The following GMPPA variants were observed in gnomAD, a reference collection of about 807,000 sequenced individuals.
GMPPA encodes mannose-1-phosphate guanylyltransferase regulatory subunit alpha.
GMPPA carries 46 observed loss-of-function variants against 58.6 expected under a neutral mutation model. The ratio of observed to expected loss-of-function variants is 0.78; its 90% CI spans 0.62 to 1.00. GMPPA has a LOEUF of 1.00. Ranked by LOEUF, GMPPA falls within the 50% of genes least tolerant of loss-of-function variation. The pLI, the probability that GMPPA is intolerant of heterozygous loss-of-function variation, is 0.00. For missense variants in GMPPA, 468 were observed against 556.4 expected, an observed-to-expected ratio of 0.84 and a Z score of 1.60; for synonymous variants, 211 against 214.9, an observed-to-expected ratio of 0.98 and a Z score of 0.16.
intron 10 of GMPPA, 28 bp from the exon 11 acceptor site, chr2:219,505,952 G>A: frequency 1.4e-6 from 2 of 1,477,486 alleles, no homozygotes; most frequent in Non-Finnish European, 1.8e-6. Context: ...GTCCCTCCAG[G>A]GCTTATGGTG....
Position 219,502,291 on chromosome 2 carries a change from C to T in GMPPA, c.430-91C>T. The T allele has an allele frequency of 8.8e-7, 1 of 1,140,416 alleles. No individual in the cohort carries two copies. 70.6% of individuals were successfully genotyped at this position (1,140,416 alleles called of 1,614,324 possible). On this transcript the variant is annotated intron_variant, in intron 5 of 12. Transcript: ENST00000313597. This position sits in a 1 kb window ranked among gnomAD's most constrained non-coding sequence, Gnocchi z 4.0. Reference sequence around the variant, plus strand: ...GGCCTGTCAGTGGCAGAGCTGCATGCCAGGTGCTGTAGCGGAGGGAAAGAA... The same window carrying T: ...GGCCTGTCAGTGGCAGAGCTGCATGTCAGGTGCTGTAGCGGAGGGAAAGAA...
Position 219,506,762 on chromosome 2 carries a change from G to A in GMPPA, c.1227G>A (p.Glu409=). The A allele has an allele frequency of 6.2e-7, 1 of 1,602,358 alleles. No individual in the cohort carries two copies. Among genetic ancestry groups the A allele is most frequent in the Non-Finnish European group, 8.6e-7 (1 of 1,169,360 alleles). ...ILNSIVLPHK[E]LSRSFTNQII... Reference sequence around the variant, plus strand: ...ACTCGATTGTTCTGCCACACAAGGAGCTGAGCCGAAGCTTCACCAACCAGA... The same window carrying A: ...ACTCGATTGTTCTGCCACACAAGGAACTGAGCCGAAGCTTCACCAACCAGA... Residue 409 remains glutamate, a synonymous_variant, in exon 13 of 13, where the codon GAG becomes GAA. Transcript: ENST00000313597.
chr2:219,504,809 A>G (rs1395761347), intron 7 of GMPPA: 1 of 1,020,750 alleles, frequency 9.8e-7, no homozygotes, highest in East Asian at 8.5e-5. Context: ...CATCTCTACC[A>G]TCTCTCTCTC....
rs771070267 is a variant in GMPPA at position 219,502,431 on chromosome 2, A to G, written c.479A>G (p.Gln160Arg). 4.3e-6 allele frequency: 7 copies of G among 1,613,666 alleles called. No homozygotes were observed. In the East Asian group the frequency reaches 1.6e-4, roughly 36 times the overall value. Residue 160 changes from glutamine to arginine, a missense_variant, in exon 6 of 13, where the codon CAG becomes CGG. Physicochemically the swap from Gln to Arg is conservative, Grantham distance 43. Coordinates refer to ENST00000313597, the MANE Select transcript of GMPPA (RefSeq NM_013335.4). This position sits in a 1 kb window ranked among gnomAD's most constrained non-coding sequence, Gnocchi z 4.0. Reference sequence around the variant, plus strand: ...TACGGCTGCATCGTTGAGAATCCACAGACACACGAGGTGAGAGCAGAGTGG... The same window carrying G: ...TACGGCTGCATCGTTGAGAATCCACGGACACACGAGGTGAGAGCAGAGTGG... ...LNYGCIVENP[Q>R]THEVLHYVEK...
intron 11 of GMPPA, 89 bp from the exon 12 acceptor site, chr2:219,506,165 G>C: frequency 6.8e-7 from 1 of 1,476,600 alleles, no homozygotes; most frequent in African/African-American, 1.4e-5. Context: ...GGTGAACGCC[G>C]TGGGCTCTGC....
rs745743360 is a variant in GMPPA, at chr2:219,505,733, C to T, written c.872C>T (p.Pro291Leu). Residue 291 changes from proline to leucine, a missense_variant, in exon 10 of 13, where the codon CCG becomes CTG. By Grantham distance (98) the Pro-to-Leu change is moderately conservative (BLOSUM62 -3). Transcript: ENST00000313597. ...PWIRGNVYIH[P>L]TAKVAPSAVL... The stretch of plus-strand genomic sequence containing the variant: ...CTTCTAGGGAATGTGTACATCCACC[C>T]GACCGCCAAGGTGGCCCCCTCGGCT... 7.5e-6 allele frequency: 12 copies of T among 1,610,660 alleles called. No individual in the cohort carries two copies. Among genetic ancestry groups the T allele is most frequent in the African/African-American group, 5.3e-5 (4 of 74,920 alleles).
At chr2:219,505,426 C>A in intron 8 of GMPPA, 32 bp from the exon 9 acceptor site, 1 of 1,599,990 alleles carries the variant, frequency 6.3e-7, no homozygotes, top group Non-Finnish European at 8.5e-7. Context: ...CCCTGCTGAC[C>A]CCTGAGCCCC....
At chr2:219,506,562 T>C in intron 12 of GMPPA, 136 bp from the exon 13 acceptor site, 1 of 1,021,374 alleles carries the variant, frequency 9.8e-7, no homozygotes, top group South Asian at 1.5e-5. Context: ...TGCCAGGCCC[T>C]GTGTGAGTCA....
chr2:219,503,704 G>A (rs1694477713), intron 6 of GMPPA, among the ~76,000 whole-genome samples: 2 of 152,202 alleles, frequency 1.3e-5, no homozygotes, highest in African/African-American at 4.8e-5. Flanking sequence ...GCTAACTCGG[G>A]CCAGCAAGAG....
rs1694419915 is a variant in GMPPA at position 219,502,132 on chromosome 2, T to C, written c.429+95T>C. ...TGGGGAGGCAGGGGCGCCCCGGGAGTTGGTGTGGGAGCTGGCGTCAGGAGG... is the reference window on the plus strand; with the variant it reads ...TGGGGAGGCAGGGGCGCCCCGGGAGCTGGTGTGGGAGCTGGCGTCAGGAGG... On this transcript the variant is annotated intron_variant, in intron 5 of 12. Coordinates refer to ENST00000313597, the MANE Select transcript of GMPPA (RefSeq NM_013335.4). This position sits in a 1 kb window ranked among gnomAD's most constrained non-coding sequence, Gnocchi z 4.0. The C allele has an allele frequency of 1.6e-6, 2 of 1,285,338 alleles. No individual in the cohort carries two copies. Among genetic ancestry groups the C allele is most frequent in the Non-Finnish European group, 2.2e-6 (2 of 903,740 alleles). The allele number at this position is 1,285,338 out of a possible 1,614,324, so 79.6% of individuals were successfully genotyped here.
chr2:219,499,446 A>G (rs1225717856), intron 1 of GMPPA, among the ~76,000 whole-genome samples: 2 of 152,204 alleles, frequency 1.3e-5, no homozygotes, highest in Non-Finnish European at 2.9e-5. Context: ...AATATCTAGA[A>G]TGAAGACGCA....
chr2:219,504,272 A>C, intron 7 of GMPPA, 59 bp downstream of exon 7: 2 of 1,534,596 alleles, frequency 1.3e-6, no homozygotes, highest in South Asian at 2.3e-5. Context: ...ACCCCAACAC[A>C]TACCAGTCTC....
chr2:219,505,893 C>G, intron 10 of GMPPA, 87 bp from the exon 11 acceptor site: 1 of 1,148,014 alleles, frequency 8.7e-7, no homozygotes, highest in Non-Finnish European at 1.2e-6. Context: ...GAGCAGGTCA[C>G]TTATGCCTTA....
chr2:219,505,873 G>A, intron 10 of GMPPA, 107 bp from the exon 11 acceptor site: 1 of 1,140,926 alleles, frequency 8.8e-7, no homozygotes, highest in Non-Finnish European at 1.3e-6. Context: ...ACAGCCTATT[G>A]TGTGTCCTCG....
In GMPPA at chr2:219,501,554, C is replaced by T; in HGVS notation, c.217C>T (p.Gln73Ter). 1 of 1,611,032 alleles carries T rather than the reference C, an allele frequency of 6.2e-7. No individual in the cohort carries two copies. Among genetic ancestry groups the T allele is most frequent in the Non-Finnish European group, 8.5e-7 (1 of 1,177,140 alleles). The change falls in exon 4 of 13, where the codon CAG (glutamine) becomes TAG (stop). Residue 73 changes from glutamine to a stop codon, truncating the protein, a stop_gained. Transcript: ENST00000313597. LOFTEE classifies it high-confidence loss of function. ...CCTCACCCAGTTCCTAGAAGCCGCCCAGCAGGAGTTTAACCTTCCAGTCAG... is the reference window on the plus strand; with the variant it reads ...CCTCACCCAGTTCCTAGAAGCCGCCTAGCAGGAGTTTAACCTTCCAGTCAG... ...EPLTQFLEAAQQEFNLPVRYL... is the reference protein window; with the variant it reads ...EPLTQFLEAA
At chr2:219,505,813 GA>G in intron 10 of GMPPA, 52 bp downstream of exon 10, 1 of 1,441,040 alleles carries the variant, frequency 6.9e-7, no homozygotes, top group Non-Finnish European at 9.6e-7. Flanking sequence ...CGGATGGATG[GA>G]GGGTGCCCAC....
At position 219,502,013 on chromosome 2, in the gene GMPPA, CCCTT is replaced by C. The variant is rs766821786; in HGVS notation, c.406_409del (p.Pro136SerfsTer55). 4 of 1,614,244 alleles carry C rather than the reference CCCTT, an allele frequency of 2.5e-6. No homozygotes were observed. In the Admixed American group the frequency reaches 5.0e-5, roughly 20 times the overall value. On this transcript the variant is annotated frameshift_variant, in exon 5 of 13. Coordinates refer to ENST00000313597, the MANE Select transcript of GMPPA (RefSeq NM_013335.4). LOFTEE classifies it high-confidence loss of function. The surrounding 1 kb of genome is among the most constrained non-coding windows in gnomAD (Gnocchi z 4.0). ...TGGAAGCCCACCGACGCCAGCGTCACCCTTTCTTACTCCTTGGCACTACGGTGAG... is the reference window on the plus strand; with the variant it reads ...TGGAAGCCCACCGACGCCAGCGTCACTCTTACTCCTTGGCACTACGGTGAG...
chr2:219,503,427 G>A (rs956951132), intron 6 of GMPPA, among the ~76,000 whole-genome samples: 3 of 152,062 alleles, frequency 2.0e-5, no homozygotes, highest in African/African-American at 4.8e-5. Context: ...CATACCTGGC[G>A]TCACATACTC....
chr2:219,505,436 C>G, intron 8 of GMPPA, 22 bp from the exon 9 acceptor site: 1 of 1,596,918 alleles, frequency 6.3e-7, no homozygotes, highest in Non-Finnish European at 8.5e-7. Context: ...CCCTGAGCCC[C>G]TGTCCCCCTT....
Sources: allele counts gnomAD v4.1 joint callset (sites outside exome capture counted in the v4.1 genomes callset), GRCh38; gene constraint gnomAD v4.1.1; non-coding constraint Gnocchi (gnomAD v3.1); transcripts MANE v1.5; gene names NCBI Gene and HGNC (gene_info 2026-07-23, HGNC 2026-07-21).